TGM2: variants seen among roughly 807,000 people sequenced by gnomAD.
The protein encoded by TGM2 is transglutaminase 2, also known as protein-glutamine gamma-glutamyltransferase 2.
In TGM2, 53 loss-of-function variants were observed where a neutral mutation model predicts 75.6. The ratio of observed to expected loss-of-function variants is 0.70; its 90% confidence interval spans 0.56 to 0.88. TGM2 has a LOEUF of 0.88. TGM2 is among the 40% of genes least tolerant of loss of function. The pLI, the probability that TGM2 is intolerant of heterozygous loss-of-function variation, is 0.00. For missense variants in TGM2, 842 were observed against 928.5 expected, an observed-to-expected ratio of 0.91 and a Z score of 1.21; for synonymous variants, 374 against 381.1, an observed-to-expected ratio of 0.98 and a Z score of 0.22.
intron 1 of TGM2, among the ~76,000 whole-genome samples, chr20:38,163,755 T>C (rs980749488): frequency 1.3e-5 from 2 of 152,204 alleles, no homozygotes; most frequent in Non-Finnish European, 2.9e-5. Context: ...AAGGAAAAAC[T>C]TCCTGCTGGC....
chr20:38,149,219 T>C (rs2075084200), intron 4 of TGM2, among the ~76,000 whole-genome samples: 1 of 152,162 alleles, frequency 6.6e-6, no homozygotes, highest in South Asian at 2.1e-4. Context: ...TCCTATTTGT[T>C]CTTCAAAGCC....
chr20:38,131,057 C>A (rs1044393229), intron 12 of TGM2, 36 bp downstream of exon 12: 1 of 1,608,862 alleles, frequency 6.2e-7, no homozygotes, highest in South Asian at 1.1e-5. Flanking sequence ...CTGCCCGCTT[C>A]CCCCAGGCCC....
At chr20:38,159,120 C>T (rs2075223068) in intron 2 of TGM2, among the ~76,000 whole-genome samples, 1 of 152,108 alleles carries the variant, frequency 6.6e-6, no homozygotes, top group Non-Finnish European at 1.5e-5. Flanking sequence ...AGCCCTTCAC[C>T]CAACCCCAAA....
chr20:38,146,976 G>C (rs987038876), intron 5 of TGM2, 82 bp from the exon 6 acceptor site: 3 of 1,483,362 alleles, frequency 2.0e-6, no homozygotes, highest in Non-Finnish European at 2.7e-6. Flanking sequence ...AGTACAGCAG[G>C]GGGTGAAAGC....
At chr20:38,148,984 C>G (rs1376382290) in intron 4 of TGM2, among the ~76,000 whole-genome samples, 1 of 152,210 alleles carries the variant, frequency 6.6e-6, no homozygotes, top group Non-Finnish European at 1.5e-5. Flanking sequence ...GGTGTGAACC[C>G]TCTGTGGCTC....
Position 38,141,371 on chromosome 20 carries a change from C to A in TGM2, c.1010G>T (p.Trp337Leu), listed in dbSNP as rs772031043. The A allele has an allele frequency of 6.3e-7, 1 of 1,583,328 alleles. No individual in the cohort carries two copies. Among genetic ancestry groups the A allele is most frequent in the South Asian group, 1.2e-5 (1 of 86,398 alleles). ...CGGCCTGGTCATCCACGACTCCACC[C>A]AGCAGTGGAAGTTCCTGAGGGGGAT... ...KSEMIWNFHC[W>L]VESWMTRPDL... Residue 337 changes from tryptophan to leucine, a missense_variant, in exon 8 of 13, where the codon TGG becomes TTG. By Grantham distance (61) the Trp-to-Leu change is moderately conservative. Transcript: ENST00000361475.
At position 38,130,345 on chromosome 20, in the gene TGM2, C is replaced by T; in HGVS notation, c.1938G>A (p.Glu646=). The T allele has an allele frequency of 3.8e-6, 6 of 1,597,920 alleles. No homozygotes were observed. Among genetic ancestry groups the T allele is most frequent in the Non-Finnish European group, 5.1e-6 (6 of 1,172,958 alleles). Reference sequence around the variant, plus strand: ...GCAGGTCCATTCTCACCTTAACTTCCTCCCCTGCCTCCACGGGGTCTGGGC... The same window carrying T: ...GCAGGTCCATTCTCACCTTAACTTCTTCCCCTGCCTCCACGGGGTCTGGGC... ...VEIPDPVEAG[E]EVKVRMDLLP... The change falls in exon 13 of 13, where the codon GAG becomes GAA. Residue 646 remains glutamate, a synonymous_variant. Coordinates refer to ENST00000361475, the MANE Select transcript of TGM2 (RefSeq NM_004613.4).
intron 10 of TGM2, among the ~76,000 whole-genome samples, chr20:38,136,761 G>A (rs2074905872): frequency 6.6e-6 from 1 of 152,174 alleles, no homozygotes; most frequent in South Asian, 2.1e-4. Context: ...GGGCTGCTGG[G>A]TGGTGGTGGG....
upstream of TGM2, among the ~76,000 whole-genome samples, chr20:38,166,235 T>TCTACCCATCCATCCAC (rs2075308735): frequency 6.6e-6 from 1 of 152,056 alleles, no homozygotes; most frequent in Non-Finnish European, 1.5e-5. Flanking sequence ...CAGCCATCCA[T>TCTACCCATCCATCCAC]CTACCCATCC....
chr20:38,132,708 G>A (rs766133368), intron 10 of TGM2: 60 of 707,996 alleles, frequency 8.5e-5, no homozygotes, highest in Non-Finnish European at 1.4e-4. Context: ...GGTAGAGGAC[G>A]CACTTGGACT....
Position 38,155,991 on chromosome 20 carries a change from C to G in TGM2, c.289G>C (p.Asp97His). 1 of 1,613,736 alleles carries G rather than the reference C, an allele frequency of 6.2e-7. No individual in the cohort carries two copies. The highest frequency in any genetic ancestry group is 1.1e-5 in the South Asian group (1 of 90,894). The change falls in exon 3 of 13, where the codon GAC (aspartate) becomes CAC (histidine). Residue 97 changes from aspartate (D) to histidine (H), a missense_variant. Coordinates refer to ENST00000361475, the MANE Select transcript of TGM2 (RefSeq NM_004613.4). ...GTGAGCTGCAGCGAGAGGGTGCAGT[C>G]TTGCTGGTCCACCACGGTGGCTGTC... ...DWTATVVDQQ[D>H]CTLSLQLTTP...
At position 38,128,098 on chromosome 20, in the gene TGM2, T is replaced by G. The variant is rs1028513510; in HGVS notation, c.*2121A>C. On this transcript the variant is annotated 3_prime_UTR_variant, in exon 13 of 13. Coordinates refer to ENST00000361475, the MANE Select transcript of TGM2 (RefSeq NM_004613.4). The stretch of plus-strand genomic sequence containing the variant: ...GGACCCGAAAAGATATCAAGGAAGG[T>G]TTCACAGAAGAGGTGACTTTGGTGT... 8.6e-5 allele frequency: 13 copies of G among 152,018 alleles called. No homozygotes were observed. Among genetic ancestry groups the G allele is most frequent in the Non-Finnish European group, 1.3e-4 (9 of 68,008 alleles). The allele number at this position is 152,018 out of a possible 1,614,324, so 9.4% of individuals were successfully genotyped here.
At chr20:38,148,193 C>T (rs1236281075) in intron 4 of TGM2, 104 bp from the exon 5 acceptor site, 36 of 1,490,282 alleles carry the variant, frequency 2.4e-5, no homozygotes, top group Non-Finnish European at 3.2e-5. Context: ...CTGTCCCACA[C>T]AGCAGACTGG....
At chr20:38,141,969 A>G in intron 7 of TGM2, 95 bp downstream of exon 7, 1 of 1,517,740 alleles carries the variant, frequency 6.6e-7, no homozygotes, top group Non-Finnish European at 9.1e-7. Flanking sequence ...TTAAGGCCCA[A>G]TTCAAATGTG....
Position 38,131,111 on chromosome 20 carries a change from T to G in TGM2, c.1895A>C (p.Glu632Ala). The G allele has an allele frequency of 6.2e-7, 1 of 1,612,898 alleles. No individual in the cohort carries two copies. Among genetic ancestry groups the G allele is most frequent in the Non-Finnish European group, 8.5e-7 (1 of 1,179,968 alleles). Residue 632 changes from glutamate to alanine, a missense_variant, in exon 12 of 13, where the codon GAG becomes GCG. Transcript: ENST00000361475. ...CACTTACATCTCCACCGTCTTCTGC[T>G]CCTCAGTCAGGCCGGCCCCCTCCAC... ...FTVEGAGLTE[E>A]QKTVEIPDPV...
At chr20:38,135,691 C>G (rs540017578) in intron 10 of TGM2, among the ~76,000 whole-genome samples, 2 of 152,210 alleles carry the variant, frequency 1.3e-5, no homozygotes, top group East Asian at 3.9e-4. Context: ...TCTACACCAC[C>G]GAGGTGTCAG....
intron 9 of TGM2, 72 bp from the exon 10 acceptor site, chr20:38,138,457 G>C: frequency 6.2e-7 from 1 of 1,608,106 alleles, no homozygotes; most frequent in Non-Finnish European, 8.5e-7. Context: ...AACAGGGCGA[G>C]CTGTCTTCGC....
chr20:38,139,261 G>A (rs1393440457), intron 9 of TGM2, 151 bp downstream of exon 9: 1 of 1,110,470 alleles, frequency 9.0e-7, no homozygotes, highest in African/African-American at 1.5e-5. Context: ...CTGTTTCTAA[G>A]GCATTGCTGA....
intron 2 of TGM2, among the ~76,000 whole-genome samples, chr20:38,158,034 T>A (rs892294823): frequency 6.6e-6 from 1 of 152,190 alleles, no homozygotes; most frequent in African/African-American, 2.4e-5. Context: ...CAGGACAGCC[T>A]CAGTTTACGC....
Sources: gnomAD v4.1 joint callset for allele counts (sites outside exome capture counted in the v4.1 genomes callset) on GRCh38, gnomAD v4.1.1 for gene constraint, MANE v1.5 for transcripts, NCBI Gene and HGNC (gene_info 2026-07-23, HGNC 2026-07-21) for gene names.